The following PPP2R2B variants were observed in gnomAD, a reference collection of about 807,000 sequenced individuals.
The protein encoded by PPP2R2B is protein phosphatase 2 regulatory subunit Bbeta, also known as serine/threonine-protein phosphatase 2A 55 kDa regulatory subunit B beta isoform.
PPP2R2B carries 5 observed loss-of-function variants against 46.0 expected under a neutral mutation model. The ratio of observed to expected loss-of-function variants is 0.11; its 90% CI spans 0.06 to 0.23. The LOEUF is 0.23. PPP2R2B is among the 10% of genes least tolerant of loss of function. PPP2R2B has a pLI of 1.00. For missense variants in PPP2R2B, 367 were observed against 575.0 expected, an observed-to-expected ratio of 0.64 and a Z score of 3.70; for synonymous variants, 215 against 206.7, an observed-to-expected ratio of 1.04 and a Z score of -0.34.
chr5:146,867,181 T>C (rs1000169926), intron 2 of PPP2R2B, among the ~76,000 whole-genome samples: 1 of 152,194 alleles, frequency 6.6e-6, no homozygotes, highest in Non-Finnish European at 1.5e-5. Context: ...GATATAAAAA[T>C]TGGGGAACAA....
intron 2 of PPP2R2B, among the ~76,000 whole-genome samples, chr5:146,744,938 C>T (rs908856148): frequency 6.6e-6 from 1 of 152,130 alleles, no homozygotes; most frequent in Non-Finnish European, 1.5e-5. Context: ...TTATCAAACA[C>T]ACCATAGAGA....
At chr5:146,834,879 G>A (rs908584605) in intron 2 of PPP2R2B, among the ~76,000 whole-genome samples, 2 of 152,096 alleles carry the variant, frequency 1.3e-5, no homozygotes, top group African/African-American at 4.8e-5. Flanking sequence ...TGCAGTATTT[G>A]GTTTTCTGTT....
intron 2 of PPP2R2B, among the ~76,000 whole-genome samples, chr5:146,870,441 T>A (rs1183325606): frequency 6.6e-6 from 1 of 152,144 alleles, no homozygotes; most frequent in Non-Finnish European, 1.5e-5. Context: ...AAAGGCCATA[T>A]GAGGACCCAG....
intron 2 of PPP2R2B, among the ~76,000 whole-genome samples, chr5:146,737,605 G>A (rs551600150): frequency 6.6e-6 from 1 of 151,680 alleles, no homozygotes; most frequent in South Asian, 2.1e-4. Flanking sequence ...GCTTTTTTTT[G>A]CCACATTAGT....
At chr5:146,850,266 G>A (rs573453013) in intron 2 of PPP2R2B, among the ~76,000 whole-genome samples, 8 of 152,250 alleles carry the variant, frequency 5.3e-5, no homozygotes, top group Admixed American at 2.0e-4. Flanking sequence ...AGTAAATCAC[G>A]TGTCTCTTTA....
chr5:146,942,671 G>A (rs895541560), intron 1 of PPP2R2B, among the ~76,000 whole-genome samples: 1 of 151,964 alleles, frequency 6.6e-6, no homozygotes, highest in African/African-American at 2.4e-5. Flanking sequence ...CATCTTCTTT[G>A]TCCTTTAGAT....
chr5:147,078,610 AC>A lies in PPP2R2B; in HGVS notation c.50+2448del, dbSNP rs528363010. ...AGACCATCCTGGCTAACACGGTGAA[AC>A]CCCATCTCTACTAAAAATACAAAAA... On this transcript the variant is annotated intron_variant, in intron 2 of 10. Transcript: ENST00000394413. Among the ~76,000 whole-genome samples, 7 of 152,182 alleles carry A rather than the reference AC, an allele frequency of 4.6e-5. No homozygotes were observed. In the South Asian group the frequency reaches 1.5e-3, roughly 32 times the overall value.
chr5:146,751,026 T>C (rs1208929941), intron 2 of PPP2R2B, among the ~76,000 whole-genome samples: 3 of 152,120 alleles, frequency 2.0e-5, no homozygotes, highest in Non-Finnish European at 4.4e-5. Flanking sequence ...AACTCTGCCC[T>C]GGGAGGTCAG....
intron 1 of PPP2R2B, among the ~76,000 whole-genome samples, chr5:146,915,774 C>T (rs1347476716): frequency 2.0e-5 from 3 of 152,144 alleles, no homozygotes; most frequent in African/African-American, 4.8e-5. Context: ...TTGGGCCCTT[C>T]TCCTCTGCCC....
chr5:146,740,831 T>C (rs770485979), intron 2 of PPP2R2B, among the ~76,000 whole-genome samples: 1 of 152,076 alleles, frequency 6.6e-6, no homozygotes, highest in Non-Finnish European at 1.5e-5. Context: ...AAGAAGATCA[T>C]AGGAGGGCAG....
In PPP2R2B at chr5:146,585,172, C is replaced by A. The variant is rs1371922659; in HGVS notation, c.*4775G>T. 6.6e-6 allele frequency: 1 copy of A among 151,580 alleles called. No homozygotes were observed. The highest frequency in any genetic ancestry group is 1.5e-5 in the Non-Finnish European group (1 of 67,964). 9.4% of individuals were successfully genotyped at this position (151,580 alleles called of 1,614,324 possible). On this transcript the variant is annotated 3_prime_UTR_variant, in exon 10 of 10. Transcript: ENST00000394411. ...CTAGAACCTGGCTGCCTGACACATC[C>A]CAGGCAACCAATGAATCTTTAATTC...
At chr5:146,847,389 T>A (rs1472902712) in intron 2 of PPP2R2B, among the ~76,000 whole-genome samples, 1 of 152,234 alleles carries the variant, frequency 6.6e-6, no homozygotes. Context: ...AAAGGTGCCA[T>A]GCTTCTTTTG....
intron 1 of PPP2R2B, among the ~76,000 whole-genome samples, chr5:146,927,440 T>A (rs913565053): frequency 6.6e-6 from 1 of 152,172 alleles, no homozygotes; most frequent in Non-Finnish European, 1.5e-5. Context: ...GATTATATAG[T>A]ACTATTGATA....
At chr5:147,022,239 G>GA (rs1213026240) in intron 1 of PPP2R2B, among the ~76,000 whole-genome samples, 1 of 151,946 alleles carries the variant, frequency 6.6e-6, no homozygotes, top group East Asian at 1.9e-4. Context: ...AGCGTGGGCA[G>GA]AAAAAATATT....
intron 2 of PPP2R2B, among the ~76,000 whole-genome samples, chr5:146,745,506 A>C (rs1753134572): frequency 6.6e-6 from 1 of 152,230 alleles, no homozygotes; most frequent in Non-Finnish European, 1.5e-5. Context: ...GGGATAAGAG[A>C]AAAATCTTTA....
chr5:147,012,540 CATTA>C (rs1276783966), intron 1 of PPP2R2B, among the ~76,000 whole-genome samples: 2 of 152,116 alleles, frequency 1.3e-5, no homozygotes, highest in Non-Finnish European at 2.9e-5. Context: ...CTCCTGGATT[CATTA>C]ATTTTTTGAA....
chr5:146,800,312 A>G (rs1371838379), intron 2 of PPP2R2B, among the ~76,000 whole-genome samples: 1 of 152,124 alleles, frequency 6.6e-6, no homozygotes, highest in Non-Finnish European at 1.5e-5. Context: ...ATCTCACTTC[A>G]TCCTCACAAC....
intron 2 of PPP2R2B, among the ~76,000 whole-genome samples, chr5:146,761,415 C>G (rs1582042111): frequency 6.6e-6 from 1 of 152,078 alleles, no homozygotes; most frequent in African/African-American, 2.4e-5. Flanking sequence ...ATCACAAGGA[C>G]AAAAATCCAA....
At chr5:146,865,738 C>G (rs1761275446) in intron 2 of PPP2R2B, among the ~76,000 whole-genome samples, 1 of 152,166 alleles carries the variant, frequency 6.6e-6, no homozygotes, top group South Asian at 2.1e-4. Flanking sequence ...TCCATTACAT[C>G]TCTAATCTCC....
Sources: gnomAD v4.1 joint callset for allele counts (sites outside exome capture counted in the v4.1 genomes callset) on GRCh38, gnomAD v4.1.1 for gene constraint, MANE v1.5 for transcripts, NCBI Gene and HGNC (gene_info 2026-07-23, HGNC 2026-07-21) for gene names.